Variants in MXI1 observed in about 807,000 individuals in gnomAD.
The protein encoded by MXI1 is MAX interactor 1, dimerization protein.
Under a neutral mutation model 36.9 loss-of-function variants are expected in MXI1, and 18 were observed. That is an observed-to-expected ratio of 0.49 (90% confidence interval 0.34 to 0.72). The LOEUF (loss-of-function observed/expected upper bound fraction) is 0.72. Ranked by LOEUF, MXI1 falls within the 30% of genes least tolerant of loss-of-function variation. The pLI, the probability that MXI1 is intolerant of heterozygous loss-of-function variation, is 0.01. For synonymous variants in MXI1, 160 were observed against 146.7 expected (o/e 1.09, Z -0.65); for missense variants, 304 against 379.1 (o/e 0.80, Z 1.64).
intron 1 of MXI1, among the ~76,000 whole-genome samples, chr10:110,225,191 G>A (rs1313781591): frequency 6.6e-6 from 1 of 152,138 alleles, no homozygotes; most frequent in Admixed American, 6.5e-5. Context: ...CACATGGCAC[G>A]CCCTCAACGC....
At chr10:110,227,687 C>T in intron 1 of MXI1, 2 of 380,246 alleles carry the variant, frequency 5.3e-6, no homozygotes, top group Non-Finnish European at 7.3e-6. Flanking sequence ...GTCCCTTTAG[C>T]GGTGGCAGCC....
chr10:110,225,970 C>T, intron 1 of MXI1: 1 of 970,022 alleles, frequency 1.0e-6, no homozygotes. Flanking sequence ...TGCTCCCGCC[C>T]CTCCCCCGTG....
At chr10:110,249,324 G>T (rs770280344) in intron 3 of MXI1, among the ~76,000 whole-genome samples, 10 of 146,890 alleles carry the variant, frequency 6.8e-5, no homozygotes, top group Non-Finnish European at 1.5e-4. Context: ...TTCCTTTTTA[G>T]CGTGGTTCTG....
chr10:110,247,659 C>G (rs1238647929), intron 3 of MXI1, among the ~76,000 whole-genome samples: 1 of 152,154 alleles, frequency 6.6e-6, no homozygotes, highest in Non-Finnish European at 1.5e-5. Flanking sequence ...CATCTCACAC[C>G]AGTTAGAATG....
At chr10:110,229,989 T>C (rs997628584) in intron 2 of MXI1, among the ~76,000 whole-genome samples, 6 of 152,316 alleles carry the variant, frequency 3.9e-5, no homozygotes, top group African/African-American at 1.4e-4. Context: ...TCCCATCCCT[T>C]ACTGTATTCA....
chr10:110,252,043 C>CT (rs1273457106), intron 3 of MXI1, among the ~76,000 whole-genome samples: 1 of 151,906 alleles, frequency 6.6e-6, no homozygotes, highest in Non-Finnish European at 1.5e-5. Flanking sequence ...AATCTAGTAG[C>CT]TGTAGAAGCA....
chr10:110,216,058 A>G (rs1854629788), intron 1 of MXI1, among the ~76,000 whole-genome samples: 2 of 152,240 alleles, frequency 1.3e-5, no homozygotes, highest in Non-Finnish European at 2.9e-5. Flanking sequence ...CTTTGTGGTC[A>G]AAAATAATGG....
intron 2 of MXI1, among the ~76,000 whole-genome samples, chr10:110,231,105 G>T (rs778329708): frequency 3.3e-5 from 5 of 152,146 alleles, no homozygotes; most frequent in Non-Finnish European, 7.3e-5. Context: ...AGTGGCTCAC[G>T]CCTGTAATTC....
chr10:110,226,147 G>A (rs562099788), intron 1 of MXI1: 1 of 1,355,472 alleles, frequency 7.4e-7, no homozygotes, highest in African/African-American at 1.5e-5. Flanking sequence ...GTAGCCGCCT[G>A]CGGCGCCTCC....
intron 2 of MXI1, among the ~76,000 whole-genome samples, chr10:110,244,622 A>G (rs1386675785): frequency 1.3e-5 from 2 of 152,116 alleles, no homozygotes; most frequent in African/African-American, 4.8e-5. Context: ...GACTGTTAAG[A>G]GTTGTTAACT....
At chr10:110,211,309 C>T (rs1377708031) in intron 1 of MXI1, among the ~76,000 whole-genome samples, 1 of 152,186 alleles carries the variant, frequency 6.6e-6, no homozygotes, top group Admixed American at 6.5e-5. Context: ...CAGCTCCAGC[C>T]TCTTCTGACG....
chr10:110,240,534 A>G (rs1392402841), intron 2 of MXI1, among the ~76,000 whole-genome samples: 1 of 152,058 alleles, frequency 6.6e-6, no homozygotes, highest in East Asian at 1.9e-4. Flanking sequence ...AATGAGATGT[A>G]CTTTTCGATG....
chr10:110,217,915 G>A (rs1016925952), intron 1 of MXI1, among the ~76,000 whole-genome samples: 1 of 152,084 alleles, frequency 6.6e-6, no homozygotes, highest in Non-Finnish European at 1.5e-5. Context: ...ATTTACTATG[G>A]GCCAGCACAA....
intron 3 of MXI1, among the ~76,000 whole-genome samples, chr10:110,260,280 T>G (rs79631027): frequency 0.052 from 7,977 of 152,084 alleles, 320 homozygotes; most frequent in Middle Eastern, 0.15. Flanking sequence ...TAAAGGAGGA[T>G]CTCTAGATGA....
intron 1 of MXI1, 63 bp downstream of exon 1, chr10:110,208,145 G>T (rs886786613): frequency 6.6e-7 from 1 of 1,521,904 alleles, no homozygotes; most frequent in African/African-American, 1.4e-5. Context: ...CCACTTGGGC[G>T]ACCCCTGTTG....
chr10:110,264,253 A>G lies in MXI1; in HGVS notation c.438-14927A>G, dbSNP rs150512060. Among the ~76,000 whole-genome samples, 16 of 152,336 alleles carry G rather than the reference A, an allele frequency of 1.1e-4. No individual in the cohort carries two copies. The East Asian group carries it at 2.9e-3, about 28-fold the overall frequency. On this transcript the variant is annotated intron_variant, in intron 3 of 5. Transcript: ENST00000332674. ...ATAACTATTTTAGTGAGTTTCAAAT[A>G]TGGTATACCAAAACTTGTTCCTGCT...
intron 2 of MXI1, among the ~76,000 whole-genome samples, chr10:110,240,547 A>C (rs1479413667): frequency 1.3e-5 from 2 of 152,040 alleles, no homozygotes; most frequent in Non-Finnish European, 2.9e-5. Flanking sequence ...TTTCGATGGA[A>C]ACAAATGCAG....
chr10:110,271,788 T>C (rs1043546298), intron 3 of MXI1, among the ~76,000 whole-genome samples: 1 of 152,210 alleles, frequency 6.6e-6, no homozygotes, highest in Non-Finnish European at 1.5e-5. Context: ...TAAGGCACTA[T>C]TGTTTACTGA....
chr10:110,276,570 A>G (rs76366660), intron 3 of MXI1, among the ~76,000 whole-genome samples: 3,352 of 152,076 alleles, frequency 0.022, 127 homozygotes, highest in African/African-American at 0.078. Flanking sequence ...ACAAAGTAAT[A>G]TGTTTCTTTC....
Sources: allele counts gnomAD v4.1 joint callset (sites outside exome capture counted in the v4.1 genomes callset), GRCh38; gene constraint gnomAD v4.1.1; transcripts MANE v1.5; gene names NCBI Gene and HGNC (gene_info 2026-07-23, HGNC 2026-07-21).